The following PMFBP1 variants were observed in gnomAD, a reference collection of about 807,000 sequenced individuals.
PMFBP1 encodes polyamine modulated factor 1 binding protein 1, also known as polyamine-modulated factor 1-binding protein 1.
In PMFBP1, 131 loss-of-function variants were observed where a neutral mutation model predicts 137.8. The observed-to-expected ratio is 0.95, with a 90% CI of 0.82 to 1.10. PMFBP1 has a LOEUF of 1.10. Ranked by LOEUF, PMFBP1 falls within the 50% of genes least tolerant of loss-of-function variation. The probability of loss-of-function intolerance (pLI) is 0.00; values close to 1 mark genes in which losing one functional copy is unlikely to be tolerated. For missense variants in PMFBP1, 1,199 were observed against 1,175.4 expected (o/e 1.02, Z -0.29); for synonymous variants, 490 against 450.4 (o/e 1.09, Z -1.11).
chr16:72,150,636 T>G lies in PMFBP1; in HGVS notation c.608A>C (p.Gln203Pro). The G allele has an allele frequency of 5.6e-6, 9 of 1,613,552 alleles. No homozygotes were observed. Among genetic ancestry groups the G allele is most frequent in the Non-Finnish European group, 7.6e-6 (9 of 1,180,018 alleles). The change falls in exon 5 of 21, where the codon CAG becomes CCG. Residue 203 changes from glutamine to proline, a missense_variant. Transcript: ENST00000237353. ...ELLECQVKML[Q>P]GELGGIMGQE... The stretch of plus-strand genomic sequence containing the variant: ...ACCCATGATCCCGCCGAGTTCCCCC[T>G]GCAACATCTTCACTTGGCATTCTAG...
the PMFBP1 span, among the ~76,000 whole-genome samples, chr16:72,217,941 T>C: frequency 1.3e-5 from 2 of 152,200 alleles, no homozygotes; most frequent in East Asian, 3.8e-4. Context: ...ATCCCCACCA[T>C]GGTCGATTTC....
the PMFBP1 span, among the ~76,000 whole-genome samples, chr16:72,198,604 A>G: frequency 6.6e-6 from 1 of 152,100 alleles, no homozygotes; most frequent in Non-Finnish European, 1.5e-5. Context: ...TAGTAATACC[A>G]ATTAAAAAAT....
upstream of PMFBP1, among the ~76,000 whole-genome samples, chr16:72,177,533 T>C (rs2043263116): frequency 6.6e-6 from 1 of 152,218 alleles, no homozygotes; most frequent in Non-Finnish European, 1.5e-5. Flanking sequence ...TGAAATAATT[T>C]TAGATTTCCA....
chr16:72,247,785 T>C, the PMFBP1 span, among the ~76,000 whole-genome samples: 2 of 152,214 alleles, frequency 1.3e-5, no homozygotes, highest in Non-Finnish European at 2.9e-5. Context: ...TTTTTATGTA[T>C]CAGAGATTTT....
the PMFBP1 span, among the ~76,000 whole-genome samples, chr16:72,217,242 A>G: frequency 6.6e-6 from 1 of 152,184 alleles, no homozygotes; most frequent in Non-Finnish European, 1.5e-5. Flanking sequence ...ACTTGAATTT[A>G]TGATAAATTT....
At chr16:72,239,141 T>C in the PMFBP1 span, among the ~76,000 whole-genome samples, 1 of 152,214 alleles carries the variant, frequency 6.6e-6, no homozygotes, top group Non-Finnish European at 1.5e-5. Context: ...CCATTGAAAC[T>C]GAAATCTCAT....
intron 14 of PMFBP1, chr16:72,128,271 G>T: frequency 5.1e-6 from 4 of 784,452 alleles, no homozygotes; most frequent in Non-Finnish European, 3.5e-6. Context: ...ATTTTTACTT[G>T]TGTAATGAAA....
chr16:72,157,114 G>A (rs1016829909), intron 3 of PMFBP1, among the ~76,000 whole-genome samples: 8 of 149,994 alleles, frequency 5.3e-5, no homozygotes, highest in Non-Finnish European at 1.0e-4. Flanking sequence ...GCGTGAACCC[G>A]GGAGGCAGAG....
the PMFBP1 span, among the ~76,000 whole-genome samples, chr16:72,240,061 C>CACAGA: frequency 6.6e-6 from 1 of 152,044 alleles, no homozygotes; most frequent in African/African-American, 2.4e-5. Context: ...AATAAAAATG[C>CACAGA]ACAGAACATT....
chr16:72,122,775 C>T (rs72787077), intron 19 of PMFBP1, 139 bp downstream of exon 19: 101,984 of 695,190 alleles, frequency 0.15, 9,104 homozygotes, highest in South Asian at 0.18. Context: ...GATGCAGATT[C>T]GAGACCTGGG....
chr16:72,180,097 T>A (rs566922069), upstream of PMFBP1, among the ~76,000 whole-genome samples: 2 of 152,262 alleles, frequency 1.3e-5, no homozygotes, highest in African/African-American at 4.8e-5. Context: ...ATGAGCAACC[T>A]CCTGTAAGGG....
chr16:72,145,370 A>G (rs1010201517), intron 5 of PMFBP1, among the ~76,000 whole-genome samples: 8 of 152,228 alleles, frequency 5.3e-5, no homozygotes, highest in Non-Finnish European at 7.3e-5. Context: ...TCTCTGGGAC[A>G]CATTTAAAGC....
chr16:72,225,934 G>GACACACACACACACACACACAC, the PMFBP1 span, among the ~76,000 whole-genome samples: 30 of 140,666 alleles, frequency 2.1e-4, no homozygotes, highest in African/African-American at 7.9e-4. Context: ...CACACTCACA[G>GACACACACACACACACACACAC]ACACACACAC....
At chr16:72,211,832 A>G in the PMFBP1 span, among the ~76,000 whole-genome samples, 1 of 152,108 alleles carries the variant, frequency 6.6e-6, no homozygotes, top group East Asian at 1.9e-4. Flanking sequence ...TTGTTTCTAC[A>G]AAAAATACAA....
At chr16:72,149,894 C>T (rs922824810) in intron 5 of PMFBP1, among the ~76,000 whole-genome samples, 1 of 152,136 alleles carries the variant, frequency 6.6e-6, no homozygotes, top group African/African-American at 2.4e-5. Context: ...GTATATAGCA[C>T]AAGCCCCGAG....
At chr16:72,206,814 A>G in the PMFBP1 span, among the ~76,000 whole-genome samples, 7 of 152,236 alleles carry the variant, frequency 4.6e-5, no homozygotes, top group Admixed American at 6.5e-5. Context: ...TACCTCCCTA[A>G]AAGTTTTATA....
the PMFBP1 span, among the ~76,000 whole-genome samples, chr16:72,202,564 A>G: frequency 2.6e-5 from 4 of 152,304 alleles, no homozygotes; most frequent in Admixed American, 2.6e-4. Flanking sequence ...GTTTGCCTGT[A>G]GTGTGGTCTC....
upstream of PMFBP1, among the ~76,000 whole-genome samples, chr16:72,178,794 T>C (rs747348425): frequency 7.2e-5 from 11 of 152,142 alleles, no homozygotes; most frequent in Admixed American, 2.0e-4. Flanking sequence ...CTTCATGGAG[T>C]CAGGGCTCAC....
At chr16:72,239,690 G>A in the PMFBP1 span, among the ~76,000 whole-genome samples, 4 of 151,720 alleles carry the variant, frequency 2.6e-5, no homozygotes, top group African/African-American at 9.7e-5. Context: ...TCAGGAGATC[G>A]AGACCATCCT....
Sources: allele counts gnomAD v4.1 joint callset (sites outside exome capture counted in the v4.1 genomes callset), GRCh38; gene constraint gnomAD v4.1.1; transcripts MANE v1.5; gene names NCBI Gene and HGNC (gene_info 2026-07-23, HGNC 2026-07-21).